CNOT10: variants seen among roughly 807,000 people sequenced by gnomAD.
CNOT10 encodes CCR4-NOT transcription complex, subunit 10.
CNOT10 carries 30 observed loss-of-function variants against 94.6 expected under a neutral mutation model. The observed-to-expected ratio is 0.32, with a 90% CI of 0.24 to 0.43. The LOEUF (loss-of-function observed/expected upper bound fraction) is 0.43. Ranked by LOEUF, CNOT10 falls within the 20% of genes least tolerant of loss-of-function variation. The pLI is 1.00. For missense variants in CNOT10, 759 were observed against 877.2 expected (o/e 0.87, Z 1.70); for synonymous variants, 289 against 301.6 (o/e 0.96, Z 0.43).
chr3:32,755,331 T>C (rs1191471922), intron 13 of CNOT10, among the ~76,000 whole-genome samples: 1 of 149,306 alleles, frequency 6.7e-6, no homozygotes, highest in Non-Finnish European at 1.5e-5. Context: ...TTTTTTTTTT[T>C]TTTTGAGACA....
intron 13 of CNOT10, among the ~76,000 whole-genome samples, chr3:32,740,682 G>A (rs139391733): frequency 0.021 from 3,170 of 151,922 alleles, 62 homozygotes; most frequent in Middle Eastern, 0.075. Context: ...CTAACACGGT[G>A]AAACCCTGTC....
intron 14 of CNOT10, among the ~76,000 whole-genome samples, chr3:32,762,013 C>T (rs1160988702): frequency 6.6e-6 from 1 of 151,088 alleles, no homozygotes; most frequent in Non-Finnish European, 1.5e-5. Context: ...CTCAGGTGAT[C>T]TGCCATCTTG....
chr3:32,763,686 A>G (rs1451254973), intron 15 of CNOT10, among the ~76,000 whole-genome samples: 2 of 152,058 alleles, frequency 1.3e-5, no homozygotes, highest in Non-Finnish European at 2.9e-5. Flanking sequence ...AAGCTATGTG[A>G]CATTCATTTT....
At chr3:32,728,714 A>T (rs1391157461) in intron 10 of CNOT10, among the ~76,000 whole-genome samples, 1 of 152,210 alleles carries the variant, frequency 6.6e-6, no homozygotes, top group Non-Finnish European at 1.5e-5. Flanking sequence ...TGAGAAAGTC[A>T]TGTATGTTGG....
chr3:32,771,398 C>T (rs548334444), intron 18 of CNOT10, among the ~76,000 whole-genome samples: 6 of 152,154 alleles, frequency 3.9e-5, no homozygotes, highest in African/African-American at 9.6e-5. Flanking sequence ...GTCAGGAGTT[C>T]GAAACCAGCC....
chr3:32,690,900 A>C (rs555400291), intron 1 of CNOT10, among the ~76,000 whole-genome samples: 5 of 152,152 alleles, frequency 3.3e-5, no homozygotes, highest in African/African-American at 1.2e-4. Context: ...CACCTAAAAA[A>C]TTTAAAAAAT....
intron 8 of CNOT10, among the ~76,000 whole-genome samples, chr3:32,724,004 C>G (rs1698537636): frequency 6.6e-6 from 1 of 152,064 alleles, no homozygotes; most frequent in African/African-American, 2.4e-5. Flanking sequence ...TGCTTGAGCC[C>G]AGGAGGTCGA....
intron 1 of CNOT10, among the ~76,000 whole-genome samples, chr3:32,686,249 CA>C (rs1353540299): frequency 1.3e-5 from 2 of 152,092 alleles, no homozygotes; most frequent in African/African-American, 4.8e-5. Flanking sequence ...ATGTTTCCCG[CA>C]AGAAATTCAT....
intron 1 of CNOT10, among the ~76,000 whole-genome samples, chr3:32,703,075 C>T (rs1054831932): frequency 1.4e-4 from 12 of 88,604 alleles, no homozygotes; most frequent in African/African-American, 4.6e-4. Flanking sequence ...CCACGCCAAG[C>T]TAATTTTTTT....
At chr3:32,712,775 G>T (rs781691314) in intron 4 of CNOT10, among the ~76,000 whole-genome samples, 4 of 152,128 alleles carry the variant, frequency 2.6e-5, no homozygotes, top group Non-Finnish European at 4.4e-5. Flanking sequence ...GTAGGCAGAG[G>T]TTGCAGTAAG....
At position 32,727,818 on chromosome 3, in the gene CNOT10, A is replaced by AT; in HGVS notation, c.1164dup (p.Pro389SerfsTer9). The AT allele has an allele frequency of 1.9e-6, 3 of 1,613,706 alleles. No individual in the cohort carries two copies. The highest frequency in any genetic ancestry group is 2.5e-6 in the Non-Finnish European group (3 of 1,179,932). ...GAAGCTGTTCAGGTTTATCATGCAA[A>AT]TCCTCGCCTCTGGCTACGGCTGGCT... On this transcript the variant is annotated frameshift_variant, in exon 10 of 19. Coordinates refer to ENST00000328834, the MANE Select transcript of CNOT10 (RefSeq NM_015442.3). LOFTEE classifies it high-confidence loss of function.
rs201119069 is a variant in CNOT10, at chr3:32,687,439, G to GTTTTTTTTTT, written c.22+1960_22+1969dup. 3.9e-4 allele frequency among the ~76,000 whole-genome samples: 20 copies of GTTTTTTTTTT among 51,306 alleles called. 1 individual carries two copies. Among genetic ancestry groups the GTTTTTTTTTT allele is most frequent in the Admixed American group, 7.1e-4 (2 of 2,834 alleles). The allele number at this position is 51,306 out of a possible 152,430, so 33.7% of individuals were successfully genotyped here. A position where few individuals can be genotyped will look rare whatever the true frequency, so the allele number is the denominator to read the frequency against. On this transcript the variant is annotated intron_variant, in intron 1 of 18. Transcript: ENST00000328834. ...TTCTTTCTCCTTTTAAGTCCTCACG[G>GTTTTTTTTTT]TTTTTTTTTTTTGTTTTTTTTTTTT... is the stretch of plus-strand genomic sequence containing the variant.
chr3:32,701,942 G>A (rs1406133059), intron 1 of CNOT10, among the ~76,000 whole-genome samples: 3 of 151,838 alleles, frequency 2.0e-5, no homozygotes, highest in African/African-American at 4.8e-5. Context: ...ACAGGTGCCC[G>A]CCACCACGCC....
Position 32,727,785 on chromosome 3 carries a change from G to A in CNOT10, c.1130G>A (p.Cys377Tyr), listed in dbSNP as rs768025103. ...HIGRPLAAFE[C>Y]LIEAVQVYHA... ...GGAAGGCCTCTTGCTGCCTTCGAATGTCTGATTGAAGCTGTTCAGGTTTAT... is the reference window on the plus strand; with the variant it reads ...GGAAGGCCTCTTGCTGCCTTCGAATATCTGATTGAAGCTGTTCAGGTTTAT... Residue 377 changes from cysteine to tyrosine, a missense_variant, in exon 10 of 19, where the codon TGT becomes TAT. By Grantham distance (194) the Cys-to-Tyr change is radical. Transcript: ENST00000328834. 9 of 1,614,022 alleles carry A rather than the reference G, an allele frequency of 5.6e-6. No individual in the cohort carries two copies. The Admixed American group carries it at 1.3e-4, about 24-fold the overall frequency.
intron 13 of CNOT10, among the ~76,000 whole-genome samples, chr3:32,754,346 G>A (rs1350777320): frequency 5.4e-4 from 78 of 144,904 alleles, no homozygotes; most frequent in African/African-American, 1.9e-3. Flanking sequence ...GCATGGTGGC[G>A]GGCACCTGTA....
chr3:32,746,632 T>G (rs1430138178), intron 13 of CNOT10, among the ~76,000 whole-genome samples: 1 of 151,720 alleles, frequency 6.6e-6, no homozygotes, highest in African/African-American at 2.4e-5. Context: ...GTCAGGAGAT[T>G]GAGACCATCC....
At chr3:32,740,147 T>C (rs963623948) in intron 13 of CNOT10, among the ~76,000 whole-genome samples, 1 of 152,100 alleles carries the variant, frequency 6.6e-6, no homozygotes, top group Non-Finnish European at 1.5e-5. Flanking sequence ...CCCAGTTTTC[T>C]CAAAGGCAAC....
chr3:32,739,949 A>T (rs960231261), intron 13 of CNOT10, among the ~76,000 whole-genome samples: 1 of 152,108 alleles, frequency 6.6e-6, no homozygotes, highest in Non-Finnish European at 1.5e-5. Context: ...AAAAAAAATT[A>T]TCTGGGCGTG....
Position 32,772,186 on chromosome 3 carries a change from TA to T in CNOT10, c.2081-1266del, listed in dbSNP as rs571388063. On this transcript the variant is annotated intron_variant, in intron 18 of 18. Transcript: ENST00000328834. The stretch of plus-strand genomic sequence containing the variant: ...TAACATGGTGAAACCCTGTCTCTAC[TA>T]AAAATACACAAAATTAGCTGGGCGT... 6.1e-3 allele frequency among the ~76,000 whole-genome samples: 929 copies of T among 152,190 alleles called. 16 individuals are homozygous for T. Among genetic ancestry groups the T allele is most frequent in the African/African-American group, 0.021 (891 of 41,528 alleles).
Sources: gnomAD v4.1 joint callset for allele counts (sites outside exome capture counted in the v4.1 genomes callset) on GRCh38, gnomAD v4.1.1 for gene constraint, MANE v1.5 for transcripts, NCBI Gene and HGNC (gene_info 2026-07-23, HGNC 2026-07-21) for gene names.